MACROH2A1: variants seen among roughly 807,000 people sequenced by gnomAD.
The protein encoded by MACROH2A1 is macroH2A.1 histone.
MACROH2A1 carries 2 observed loss-of-function variants against 31.6 expected under a neutral mutation model. The observed-to-expected ratio is 0.06, with a 90% CI of 0.03 to 0.20. The LOEUF is 0.20. Ranked by LOEUF, MACROH2A1 falls within the 10% of genes least tolerant of loss-of-function variation. The pLI, the probability that MACROH2A1 is intolerant of heterozygous loss-of-function variation, is 1.00. For synonymous variants in MACROH2A1, 169 were observed against 189.6 expected (o/e 0.89, Z 0.89); for missense variants, 230 against 474.0 (o/e 0.49, Z 4.78).
intron 6 of MACROH2A1, 99 bp from the exon 7 acceptor site, chr5:135,346,156 A>C (rs2149749783): frequency 3.8e-6 from 3 of 783,952 alleles, no homozygotes. Context: ...ATGATCTATT[A>C]AATTTCCATC....
At chr5:135,358,036 C>G (rs1259306311) in intron 5 of MACROH2A1, 1 of 982,212 alleles carries the variant, frequency 1.0e-6, no homozygotes, top group African/African-American at 1.8e-5. Context: ...AGTCACCATT[C>G]TAAAGTACCC....
At chr5:135,353,491 C>T (rs1761828376) in intron 5 of MACROH2A1, 1 of 163,538 alleles carries the variant, frequency 6.1e-6, no homozygotes, top group African/African-American at 2.4e-5. Flanking sequence ...AGGGCTCTGC[C>T]ATTGTCTTCC....
At chr5:135,394,965 T>C (rs887458338) in intron 1 of MACROH2A1, among the ~76,000 whole-genome samples, 1 of 152,076 alleles carries the variant, frequency 6.6e-6, no homozygotes, top group Non-Finnish European at 1.5e-5. Flanking sequence ...TCAGAGACCT[T>C]CTCTTGGACA....
At chr5:135,382,264 T>C (rs1310167231) in intron 2 of MACROH2A1, among the ~76,000 whole-genome samples, 1 of 152,244 alleles carries the variant, frequency 6.6e-6, no homozygotes, top group Non-Finnish European at 1.5e-5. Context: ...CACGTGGAAC[T>C]TGTCTACCTA....
At chr5:135,338,061 G>A (rs1759105830) in intron 8 of MACROH2A1, 2 of 1,072,346 alleles carry the variant, frequency 1.9e-6, no homozygotes, top group Non-Finnish European at 2.3e-6. Flanking sequence ...ATGTCTTGCT[G>A]CCAGTTAGAA....
chr5:135,356,208 G>C (rs1410821184), intron 5 of MACROH2A1: 1 of 152,204 alleles, frequency 6.6e-6, no homozygotes, highest in Non-Finnish European at 1.5e-5. Flanking sequence ...GGGGGTCCCC[G>C]CGTGGCTGCA....
intron 6 of MACROH2A1, among the ~76,000 whole-genome samples, chr5:135,349,879 C>T (rs989736217): frequency 1.4e-4 from 22 of 152,188 alleles, no homozygotes; most frequent in African/African-American, 5.3e-4. Flanking sequence ...CCATCATTAC[C>T]ATTACTTAAT....
At chr5:135,387,021 TC>T (rs1163476985) in intron 2 of MACROH2A1, among the ~76,000 whole-genome samples, 7 of 152,188 alleles carry the variant, frequency 4.6e-5, no homozygotes, top group Non-Finnish European at 1.0e-4. Flanking sequence ...GACAGTTGAC[TC>T]CATTTGAGTT....
At chr5:135,385,645 G>A (rs907044365) in intron 2 of MACROH2A1, among the ~76,000 whole-genome samples, 10 of 152,154 alleles carry the variant, frequency 6.6e-5, no homozygotes, top group African/African-American at 2.2e-4. Context: ...CCCAGCAGGC[G>A]CATCAAGACA....
chr5:135,363,032 C>T (rs1461566069), intron 4 of MACROH2A1: 1 of 152,046 alleles, frequency 6.6e-6, no homozygotes, highest in African/African-American at 2.4e-5. Flanking sequence ...CAGCATGACC[C>T]GAAAACTGCT....
At position 135,334,588 on chromosome 5, in the gene MACROH2A1, T is replaced by A; in HGVS notation, c.*388A>T. Reference sequence around the variant, plus strand: ...AACATTAGAGTAAAAAGAACGCCACTGGAGGATGTACAATAAAGCACCACA... The same window carrying A: ...AACATTAGAGTAAAAAGAACGCCACAGGAGGATGTACAATAAAGCACCACA... On this transcript the variant is annotated 3_prime_UTR_variant, in exon 9 of 9. Coordinates refer to ENST00000511689, the MANE Select transcript of MACROH2A1 (RefSeq NM_138610.3). 1 of 186,830 alleles carries A rather than the reference T, an allele frequency of 5.4e-6. No homozygotes were observed. Among genetic ancestry groups the A allele is most frequent in the Non-Finnish European group, 1.1e-5 (1 of 89,742 alleles). The allele number at this position is 186,830 out of a possible 1,614,324, so 11.6% of individuals were successfully genotyped here.
chr5:135,369,674 G>A lies in MACROH2A1; in HGVS notation c.280-71C>T. 8.1e-7 allele frequency: 1 copy of A among 1,237,976 alleles called. No individual in the cohort carries two copies. Among genetic ancestry groups the A allele is most frequent in the Non-Finnish European group, 1.2e-6 (1 of 845,106 alleles). 76.7% of individuals were successfully genotyped at this position (1,237,976 alleles called of 1,614,324 possible). On this transcript the variant is annotated intron_variant, in intron 3 of 8. Transcript: ENST00000511689. This position sits in a 1 kb window ranked among gnomAD's most constrained non-coding sequence, Gnocchi z 4.3. ...TTCTAACCTTCAAGAAGCCAGCCCT[G>A]CCCAGGACAGTCTTGCTTTGGGTTG...
In MACROH2A1 at chr5:135,360,545, G is replaced by C; in HGVS notation, c.540C>G (p.Ala180=). 1 of 1,614,014 alleles carries C rather than the reference G, an allele frequency of 6.2e-7. No individual in the cohort carries two copies. The highest frequency in any genetic ancestry group is 8.5e-7 in the Non-Finnish European group (1 of 1,179,890). ...SADSTTEGTP[A]DGFTVLSTKS... is the part of the protein sequence containing the mutation. Reference sequence around the variant, plus strand: ...TGGTGGAGAGGACTGTGAAGCCGTCGGCAGGTGTGCCCTCGGTTGTGCTGT... The same window carrying C: ...TGGTGGAGAGGACTGTGAAGCCGTCCGCAGGTGTGCCCTCGGTTGTGCTGT... Residue 180 remains alanine (A), a synonymous_variant, in exon 5 of 9, where the codon GCC becomes GCG. Transcript: ENST00000511689.
intron 2 of MACROH2A1, among the ~76,000 whole-genome samples, chr5:135,387,761 C>T (rs1456278275): frequency 6.6e-6 from 1 of 152,154 alleles, no homozygotes; most frequent in Non-Finnish European, 1.5e-5. Flanking sequence ...GCTGGCCTTG[C>T]ACAATTGCTG....
At chr5:135,341,200 A>T (rs1418929900) in intron 8 of MACROH2A1, among the ~76,000 whole-genome samples, 1 of 152,250 alleles carries the variant, frequency 6.6e-6, no homozygotes, top group East Asian at 1.9e-4. Flanking sequence ...GAGGATGGGC[A>T]GTCCCTATAG....
chr5:135,381,038 A>G (rs1765589877), intron 2 of MACROH2A1, among the ~76,000 whole-genome samples: 1 of 152,254 alleles, frequency 6.6e-6, no homozygotes, highest in Non-Finnish European at 1.5e-5. Flanking sequence ...AGACAAACAG[A>G]TAAAGCAGAA....
intron 1 of MACROH2A1, among the ~76,000 whole-genome samples, chr5:135,394,074 A>G (rs1767623992): frequency 6.6e-6 from 1 of 151,380 alleles, no homozygotes; most frequent in Non-Finnish European, 1.5e-5. Context: ...GGACATGAGA[A>G]CAACAAGCTG....
Position 135,367,544 on chromosome 5 carries a change from A to G in MACROH2A1, c.477+1862T>C, listed in dbSNP as rs556182913. On this transcript the variant is annotated intron_variant, in intron 4 of 8. Transcript: ENST00000511689. Reference sequence around the variant, plus strand: ...GTGTTTACTAAATTGGAAAGTTCAGAAAGTCATAGAACAAAAACTACTAGG... The same window carrying G: ...GTGTTTACTAAATTGGAAAGTTCAGGAAGTCATAGAACAAAAACTACTAGG... Among the ~76,000 whole-genome samples the G allele has an allele frequency of 1.1e-3, 174 of 152,382 alleles. 1 individual carries two copies. Among genetic ancestry groups the G allele is most frequent in the Middle Eastern group, 6.8e-3 (2 of 294 alleles).
intron 7 of MACROH2A1, chr5:135,344,531 C>T (rs377652261): frequency 6.6e-6 from 1 of 152,140 alleles, no homozygotes; most frequent in African/African-American, 2.4e-5. Context: ...TGCTTTGTGA[C>T]TGGGCTTGAG....
Sources: gnomAD v4.1 joint callset for allele counts (sites outside exome capture counted in the v4.1 genomes callset) on GRCh38, gnomAD v4.1.1 for gene constraint, Gnocchi (gnomAD v3.1) non-coding constraint, MANE v1.5 for transcripts, NCBI Gene and HGNC (gene_info 2026-07-23, HGNC 2026-07-21) for gene names.